The following VPS13B variants were observed in gnomAD, a reference collection of about 807,000 sequenced individuals.
VPS13B encodes vacuolar protein sorting 13 homolog B, also known as intermembrane lipid transfer protein VPS13B.
A neutral mutation model predicts 426.4 loss-of-function variants in VPS13B; 285 were observed. The observed-to-expected ratio is 0.67, with a 90% CI of 0.61 to 0.74. The LOEUF (loss-of-function observed/expected upper bound fraction) is 0.74. Ranked by LOEUF, VPS13B falls within the 30% of genes least tolerant of loss-of-function variation. VPS13B has a pLI of 0.00. For synonymous variants in VPS13B, 1,676 were observed against 1,676.4 expected (o/e 1.00, Z 0.01); for missense variants, 4,537 against 4,782.6 (o/e 0.95, Z 1.51).
At position 99,877,313 on chromosome 8, in the gene VPS13B, G is replaced by A. The variant is rs1448565635; in HGVS notation, c.*1647G>A. ...AGAAAAGTGACAGCTGTCAACCTCA[G>A]AGTAACTATTTCTAAAAATGTAAAT... On this transcript the variant is annotated 3_prime_UTR_variant, in exon 62 of 62. Coordinates refer to ENST00000357162, the MANE Select transcript of VPS13B (RefSeq NM_152564.5). 1 of 152,582 alleles carries A rather than the reference G, an allele frequency of 6.6e-6. No homozygotes were observed. The highest frequency in any genetic ancestry group is 6.5e-5 in the Admixed American group (1 of 15,284). 9.5% of individuals were successfully genotyped at this position (152,582 alleles called of 1,614,324 possible). A position where few individuals can be genotyped will look rare whatever the true frequency, so the allele number is the denominator to read the frequency against.
At chr8:99,190,939 C>T (rs1029834788) in intron 16 of VPS13B, among the ~76,000 whole-genome samples, 8 of 151,828 alleles carry the variant, frequency 5.3e-5, no homozygotes, top group South Asian at 2.1e-4. Flanking sequence ...TCATTTAGCC[C>T]GAAGAATTTT....
chr8:99,600,911 T>G (rs1254734905), intron 33 of VPS13B, among the ~76,000 whole-genome samples: 1 of 152,202 alleles, frequency 6.6e-6, no homozygotes, highest in Admixed American at 6.5e-5. Flanking sequence ...ACTGTTTCCT[T>G]TATACCCTAA....
intron 35 of VPS13B, among the ~76,000 whole-genome samples, chr8:99,687,730 A>C (rs1227087058): frequency 6.6e-6 from 1 of 152,186 alleles, no homozygotes; most frequent in African/African-American, 2.4e-5. Flanking sequence ...TGGCATCCAC[A>C]GTTCAAGACT....
At chr8:99,589,874 C>G (rs1473101767) in intron 33 of VPS13B, among the ~76,000 whole-genome samples, 1 of 152,156 alleles carries the variant, frequency 6.6e-6, no homozygotes, top group African/African-American at 2.4e-5. Context: ...GGAGGATTCC[C>G]TCTTTTTCTA....
At chr8:99,065,370 A>G (rs573079521) in intron 3 of VPS13B, among the ~76,000 whole-genome samples, 2 of 152,354 alleles carry the variant, frequency 1.3e-5, no homozygotes, top group South Asian at 4.1e-4. Context: ...ACGTAAATCA[A>G]TAAACATAAT....
chr8:99,697,642 G>T, intron 35 of VPS13B: 1 of 649,580 alleles, frequency 1.5e-6, no homozygotes, highest in South Asian at 1.6e-5. Flanking sequence ...GCCACCAAGA[G>T]ACTGACAGAG....
chr8:99,422,945 T>A (rs1464422614), intron 21 of VPS13B, among the ~76,000 whole-genome samples: 2 of 152,200 alleles, frequency 1.3e-5, no homozygotes, highest in African/African-American at 4.8e-5. Flanking sequence ...TATGTTTGAG[T>A]TTTTTCACTT....
intron 24 of VPS13B, among the ~76,000 whole-genome samples, chr8:99,468,642 A>G (rs1819237402): frequency 6.6e-6 from 1 of 152,096 alleles, no homozygotes; most frequent in African/African-American, 2.4e-5. Context: ...TGAGCCCAGA[A>G]GTTAGAGGCT....
intron 19 of VPS13B, among the ~76,000 whole-genome samples, chr8:99,290,754 C>G (rs1329863601): frequency 6.6e-6 from 1 of 151,930 alleles, no homozygotes; most frequent in Admixed American, 6.6e-5. Flanking sequence ...GTCTTTCTGA[C>G]TTGGAAAAGG....
intron 39 of VPS13B, among the ~76,000 whole-genome samples, chr8:99,740,637 C>T (rs1406081792): frequency 6.6e-6 from 1 of 152,188 alleles, no homozygotes; most frequent in Non-Finnish European, 1.5e-5. Flanking sequence ...AGCAGAAACT[C>T]TACATGCCAG....
intron 31 of VPS13B, among the ~76,000 whole-genome samples, chr8:99,575,107 A>G (rs1825715897): frequency 6.6e-6 from 1 of 152,170 alleles, no homozygotes; most frequent in South Asian, 2.1e-4. Context: ...TTGAGGCTAC[A>G]GTGAGCCATG....
intron 35 of VPS13B, among the ~76,000 whole-genome samples, chr8:99,698,683 A>C (rs1043706071): frequency 6.6e-6 from 1 of 152,238 alleles, no homozygotes; most frequent in African/African-American, 2.4e-5. Context: ...TGTTGAATGC[A>C]TGCATATGTA....
chr8:99,790,770 G>A (rs1408305266), intron 43 of VPS13B, among the ~76,000 whole-genome samples: 4 of 152,196 alleles, frequency 2.6e-5, no homozygotes. Context: ...CTAGGCCAGT[G>A]AAGTGAGGGT....
At chr8:99,090,864 T>A (rs1267723425) in intron 3 of VPS13B, among the ~76,000 whole-genome samples, 1 of 152,160 alleles carries the variant, frequency 6.6e-6, no homozygotes, top group African/African-American at 2.4e-5. Context: ...TTACTTTTTT[T>A]TTCTTCCTCC....
intron 58 of VPS13B, among the ~76,000 whole-genome samples, chr8:99,863,254 G>T (rs1405760711): frequency 6.6e-6 from 1 of 152,146 alleles, no homozygotes; most frequent in Non-Finnish European, 1.5e-5. Context: ...TGTAAGAGTT[G>T]CCTGGTTTCC....
intron 39 of VPS13B, among the ~76,000 whole-genome samples, chr8:99,757,011 A>AT (rs1398210937): frequency 6.6e-6 from 1 of 152,206 alleles, no homozygotes; most frequent in African/African-American, 2.4e-5. Context: ...CCCTGAAATA[A>AT]TGTGTAAGAA....
chr8:99,676,746 G>T lies in VPS13B; in HGVS notation c.6046+15255G>T, dbSNP rs960284373. Among the ~76,000 whole-genome samples the T allele has an allele frequency of 3.9e-5, 6 of 151,908 alleles. 1 individual carries two copies. Among genetic ancestry groups the T allele is most frequent in the Admixed American group, 3.9e-4 (6 of 15,258 alleles). ...ATGATGTTGCTATGAGGGGATGATC[G>T]CTGAAGAGTCCTATTCCACCATCTT... On this transcript the variant is annotated intron_variant, in intron 35 of 61. Transcript: ENST00000357162.
intron 19 of VPS13B, among the ~76,000 whole-genome samples, chr8:99,322,631 C>G (rs1472280361): frequency 1.3e-5 from 2 of 152,182 alleles, no homozygotes; most frequent in Non-Finnish European, 2.9e-5. Flanking sequence ...ATCCACATGT[C>G]TGTGTCAGAG....
intron 24 of VPS13B, among the ~76,000 whole-genome samples, chr8:99,475,918 A>G (rs1408856051): frequency 6.6e-6 from 1 of 152,212 alleles, no homozygotes; most frequent in Non-Finnish European, 1.5e-5. Context: ...TTATCTCTTT[A>G]TGTAATTCTA....
Sources: gnomAD v4.1 joint callset for allele counts (sites outside exome capture counted in the v4.1 genomes callset) on GRCh38, gnomAD v4.1.1 for gene constraint, MANE v1.5 for transcripts, NCBI Gene and HGNC (gene_info 2026-07-23, HGNC 2026-07-21) for gene names.